The following DNAI3 variants were observed in gnomAD, a reference collection of about 807,000 sequenced individuals.
The protein encoded by DNAI3 is WD repeat domain 63.
DNAI3 carries 83 observed loss-of-function variants against 115.5 expected under a neutral mutation model. The ratio of observed to expected loss-of-function variants is 0.72; its 90% CI spans 0.60 to 0.86. DNAI3 has a LOEUF of 0.86. Ranked by LOEUF, DNAI3 falls within the 40% of genes least tolerant of loss-of-function variation. DNAI3 has a pLI of 0.00. For missense variants in DNAI3, 1,004 were observed against 1,075.8 expected (o/e 0.93, Z 0.93); for synonymous variants, 320 against 347.0 (o/e 0.92, Z 0.86).
At chr1:85,117,531 T>A (rs1655867665) in intron 16 of DNAI3, among the ~76,000 whole-genome samples, 198 bp from the exon 17 acceptor site, 1 of 152,200 alleles carries the variant, frequency 6.6e-6, no homozygotes, top group Non-Finnish European at 1.5e-5. Context: ...TATAGCACAG[T>A]CATTGATGTT....
chr1:85,081,252 C>A lies in DNAI3; in HGVS notation c.122C>A (p.Pro41His). 1 of 1,583,890 alleles carries A rather than the reference C, an allele frequency of 6.3e-7. No homozygotes were observed. The highest frequency in any genetic ancestry group is 1.2e-5 in the South Asian group (1 of 84,458). The change falls in exon 4 of 23, where the codon CCT becomes CAT. Residue 41 changes from proline (P) to histidine (H), a missense_variant. Physicochemically the swap from Pro to His is moderately conservative, Grantham distance 77 (BLOSUM62 -2). Coordinates refer to ENST00000294664, the MANE Select transcript of DNAI3 (RefSeq NM_145172.5). ...MESMGHPEIY[P>H]LVLTTKTQEI... is the part of the protein sequence containing the mutation. ...TTCCTAGGTCATCCAGAAATTTATC[C>A]TTTAGTATTAACCACCAAGACCCAA...
chr1:85,082,447 T>C (rs201872673), intron 5 of DNAI3, 43 bp downstream of exon 5: 1 of 1,518,988 alleles, frequency 6.6e-7, no homozygotes, highest in Non-Finnish European at 9.1e-7. Context: ...GTTTTTGTTG[T>C]GGTTGTGGTT....
At chr1:85,125,571 T>TAAAGAA (rs1553168169) in intron 19 of DNAI3, among the ~76,000 whole-genome samples, 1 of 151,812 alleles carries the variant, frequency 6.6e-6, no homozygotes, top group African/African-American at 2.4e-5. Flanking sequence ...GTTTTGTAGT[T>TAAAGAA]AAAGAAAAAG....
chr1:85,093,426 T>A (rs777487861), intron 8 of DNAI3, 32 bp from the exon 9 acceptor site: 1 of 1,561,240 alleles, frequency 6.4e-7, no homozygotes. Context: ...AAAACCAATA[T>A]CTTAATTGCT....
In DNAI3 at chr1:85,082,562, A is replaced by G. The variant is rs1015428851; in HGVS notation, c.390+158A>G. Among the ~76,000 whole-genome samples the G allele has an allele frequency of 5.9e-5, 9 of 152,084 alleles. No individual in the cohort carries two copies. The East Asian group carries it at 1.7e-3, about 29-fold the overall frequency. On this transcript the variant is annotated intron_variant, in intron 5 of 22. Coordinates refer to ENST00000294664, the MANE Select transcript of DNAI3 (RefSeq NM_145172.5). ...CAGGCCCAAGTGATCCTCCCACCTCAGCCCCCCAAGTAGCTGAGACTACAG... is the reference window on the plus strand; with the variant it reads ...CAGGCCCAAGTGATCCTCCCACCTCGGCCCCCCAAGTAGCTGAGACTACAG...
chr1:85,121,684 C>T, intron 17 of DNAI3, 67 bp from the exon 18 acceptor site: 1 of 1,418,910 alleles, frequency 7.0e-7, no homozygotes, highest in Non-Finnish European at 9.9e-7. Flanking sequence ...AATCTTAGCA[C>T]ATGAGTGTGA....
chr1:85,116,964 G>A (rs1482205289), intron 16 of DNAI3, among the ~76,000 whole-genome samples: 1 of 152,076 alleles, frequency 6.6e-6, no homozygotes, highest in Non-Finnish European at 1.5e-5. Context: ...TGTCTTTTTA[G>A]TATAGCTGAA....
Position 85,085,815 on chromosome 1 carries a change from T to C in DNAI3, c.541-16T>C. 1 of 1,611,244 alleles carries C rather than the reference T, an allele frequency of 6.2e-7. No individual in the cohort carries two copies. Among genetic ancestry groups the C allele is most frequent in the Middle Eastern group, 1.8e-4 (1 of 5,704 alleles). On this transcript the variant is annotated splice_polypyrimidine_tract_variant and intron_variant, in intron 6 of 22. Transcript: ENST00000294664. ...GGACTTCATTATGTTACCTTTACTG[T>C]TTACATGTGTTACAGATTACATATA... is the stretch of plus-strand genomic sequence containing the variant.
chr1:85,078,424 CT>C (rs1467749683), intron 3 of DNAI3, among the ~76,000 whole-genome samples: 1 of 152,240 alleles, frequency 6.6e-6, no homozygotes, highest in Non-Finnish European at 1.5e-5. Context: ...AGACATTGTC[CT>C]TGTGATTGGC....
intron 21 of DNAI3, 128 bp from the exon 22 acceptor site, chr1:85,129,862 G>A (rs756464717): frequency 1.3e-5 from 13 of 997,948 alleles, no homozygotes; most frequent in Admixed American, 2.7e-5. Context: ...TAATGATCAA[G>A]TAGATTAGGG....
At chr1:85,092,298 G>A (rs1036252307) in intron 8 of DNAI3, among the ~76,000 whole-genome samples, 1 of 152,168 alleles carries the variant, frequency 6.6e-6, no homozygotes, top group Non-Finnish European at 1.5e-5. Flanking sequence ...GACTGGTAGT[G>A]TAATGATCAA....
chr1:85,078,059 A>G (rs185605587), intron 3 of DNAI3, among the ~76,000 whole-genome samples: 6 of 152,152 alleles, frequency 3.9e-5, no homozygotes, highest in African/African-American at 1.4e-4. Flanking sequence ...TGCTAGGTGA[A>G]TAACTGCCAT....
intron 13 of DNAI3, among the ~76,000 whole-genome samples, chr1:85,100,602 A>T (rs2100588723): frequency 6.6e-6 from 1 of 152,284 alleles, no homozygotes; most frequent in East Asian, 1.9e-4. Context: ...ATACCATTTG[A>T]CCCAGCCATC....
Position 85,081,392 on chromosome 1 carries a change from C to CAA in DNAI3, c.263_264insAA (p.His88GlnfsTer43). On this transcript the variant is annotated frameshift_variant, in exon 4 of 23. Coordinates refer to ENST00000294664, the MANE Select transcript of DNAI3 (RefSeq NM_145172.5). LOFTEE classifies it high-confidence loss of function. ...CAACAGAGCTGCAGTATCTGATTTC[C>CAA]ACCCAGTCAAAAAAATTGTCCAGGT... The CAA allele has an allele frequency of 6.3e-7, 1 of 1,576,410 alleles. No homozygotes were observed. The highest frequency in any genetic ancestry group is 8.6e-7 in the Non-Finnish European group (1 of 1,168,806).
chr1:85,119,414 G>A (rs544290553), intron 17 of DNAI3, among the ~76,000 whole-genome samples: 9 of 152,136 alleles, frequency 5.9e-5, no homozygotes, highest in Non-Finnish European at 8.8e-5. Flanking sequence ...GATACCTCAC[G>A]TAAGTGGAAT....
chr1:85,102,742 A>G (rs1441933068), intron 13 of DNAI3, among the ~76,000 whole-genome samples: 1 of 152,210 alleles, frequency 6.6e-6, no homozygotes, highest in Non-Finnish European at 1.5e-5. Flanking sequence ...TCCAATTTGT[A>G]TCTCTAGATA....
At chr1:85,082,233 T>C in intron 4 of DNAI3, 67 bp from the exon 5 acceptor site, 1 of 1,241,454 alleles carries the variant, frequency 8.1e-7, no homozygotes. Flanking sequence ...GTGAATTTTG[T>C]GTTGGCATCA....
intron 20 of DNAI3, 36 bp from the exon 21 acceptor site, chr1:85,128,672 C>A: frequency 6.4e-7 from 1 of 1,550,500 alleles, no homozygotes; most frequent in Non-Finnish European, 8.8e-7. Context: ...TTTCTGTTTG[C>A]TGATTTTTTC....
At chr1:85,066,314 CTTTTTTTTTTTT>C (rs57553075) in intron 1 of DNAI3, among the ~76,000 whole-genome samples, 6 of 70,036 alleles carry the variant, frequency 8.6e-5, no homozygotes, top group East Asian at 4.1e-4. Flanking sequence ...TTCTGCTACT[CTTTTTTTTTTTT>C]TTTTTTTTTT....
Sources: gnomAD v4.1 joint callset for allele counts (sites outside exome capture counted in the v4.1 genomes callset) on GRCh38, gnomAD v4.1.1 for gene constraint, MANE v1.5 for transcripts, NCBI Gene and HGNC (gene_info 2026-07-23, HGNC 2026-07-21) for gene names.